VRK1: variants seen among roughly 807,000 people sequenced by gnomAD.
VRK1 encodes serine/threonine-protein kinase VRK1.
A neutral mutation model predicts 57.1 loss-of-function variants in VRK1; 33 were observed. That is an observed-to-expected ratio of 0.58 (90% CI 0.44 to 0.77). The LOEUF is 0.77. Ranked by LOEUF, VRK1 falls within the 30% of genes least tolerant of loss-of-function variation. The pLI, the probability that VRK1 is intolerant of heterozygous loss-of-function variation, is 0.00. For missense variants in VRK1, 413 were observed against 477.3 expected, an observed-to-expected ratio of 0.87 and a Z score of 1.25; for synonymous variants, 137 against 147.8, an observed-to-expected ratio of 0.93 and a Z score of 0.53.
intron 11 of VRK1, among the ~76,000 whole-genome samples, chr14:96,861,752 T>A (rs78823907): frequency 0.015 from 2,237 of 152,324 alleles, 65 homozygotes; most frequent in African/African-American, 0.051. Flanking sequence ...TGCATCTACA[T>A]ATACTTTTTT....
At chr14:96,833,269 T>G (rs1249087991) in intron 1 of VRK1, among the ~76,000 whole-genome samples, 198 bp from the exon 2 acceptor site, 1 of 152,214 alleles carries the variant, frequency 6.6e-6, no homozygotes, top group Non-Finnish European at 1.5e-5. Context: ...ATATATGATT[T>G]TATTGTTTCT....
At chr14:96,818,632 AT>A (rs1395311819) in intron 1 of VRK1, among the ~76,000 whole-genome samples, 1 of 151,906 alleles carries the variant, frequency 6.6e-6, no homozygotes, top group Non-Finnish European at 1.5e-5. Context: ...TTTGATACTT[AT>A]TTTTTTAATG....
intron 1 of VRK1, among the ~76,000 whole-genome samples, chr14:96,804,227 C>A (rs1419834718): frequency 6.6e-6 from 1 of 152,084 alleles, no homozygotes; most frequent in Non-Finnish European, 1.5e-5. Context: ...TTTTCTTTTC[C>A]TTTTGTCCAT....
At chr14:96,871,061 TCAGTA>T (rs1888802675) in intron 11 of VRK1, among the ~76,000 whole-genome samples, 1 of 152,208 alleles carries the variant, frequency 6.6e-6, no homozygotes, top group Non-Finnish European at 1.5e-5. Flanking sequence ...TACCATTGTA[TCAGTA>T]TTTTTTGGCA....
intron 12 of VRK1, among the ~76,000 whole-genome samples, chr14:96,880,932 T>C (rs1889235434): frequency 6.6e-6 from 1 of 152,218 alleles, no homozygotes; most frequent in Non-Finnish European, 1.5e-5. Context: ...AGTATTTTTA[T>C]ATGGCTTAAG....
At chr14:96,820,240 T>A (rs893360407) in intron 1 of VRK1, among the ~76,000 whole-genome samples, 8 of 152,098 alleles carry the variant, frequency 5.3e-5, no homozygotes, top group Admixed American at 1.3e-4. Context: ...TTTTTTTTTT[T>A]AATTTTTGCT....
intron 11 of VRK1, among the ~76,000 whole-genome samples, chr14:96,866,997 A>G (rs571408702): frequency 1.5e-3 from 221 of 152,278 alleles, no homozygotes; most frequent in Non-Finnish European, 2.9e-3. Flanking sequence ...TCACGAGTAA[A>G]CAGAGCTTGT....
intron 3 of VRK1, among the ~76,000 whole-genome samples, chr14:96,842,327 A>C (rs531488238): frequency 1.3e-5 from 2 of 152,222 alleles, no homozygotes; most frequent in Admixed American, 1.3e-4. Context: ...CCAAATAACA[A>C]ACATGTAAAA....
intron 11 of VRK1, among the ~76,000 whole-genome samples, chr14:96,874,633 T>G (rs561913559): frequency 1.3e-5 from 2 of 152,312 alleles, no homozygotes; most frequent in East Asian, 3.9e-4. Flanking sequence ...AAGTTGTTAT[T>G]TTTGTATGTG....
intron 3 of VRK1, 65 bp from the exon 4 acceptor site, chr14:96,846,030 G>A (rs1887670912): frequency 7.2e-7 from 1 of 1,388,916 alleles, no homozygotes; most frequent in African/African-American, 1.4e-5. Flanking sequence ...CTTTTTTGAA[G>A]GTTCATTGAA....
Position 96,856,897 on chromosome 14 carries a change from G to A in VRK1, c.889+311G>A, listed in dbSNP as rs190423096. 7.9e-4 allele frequency among the ~76,000 whole-genome samples: 121 copies of A among 152,268 alleles called. 1 individual carries two copies. The highest frequency in any genetic ancestry group is 2.8e-3 in the African/African-American group (116 of 41,568). ...GCAGGAGAATCGCTTGAACCCGGGA[G>A]GCGGAGGTTGCAGTGAGCCGAGATT... On this transcript the variant is annotated intron_variant, in intron 10 of 12. Coordinates refer to ENST00000216639, the MANE Select transcript of VRK1 (RefSeq NM_003384.3).
intron 11 of VRK1, among the ~76,000 whole-genome samples, chr14:96,867,549 T>C (rs933721649): frequency 6.6e-6 from 1 of 152,038 alleles, no homozygotes; most frequent in African/African-American, 2.4e-5. Flanking sequence ...GCAGACCTTT[T>C]TCATCTAAAG....
chr14:96,818,362 A>T (rs1398941085), intron 1 of VRK1, among the ~76,000 whole-genome samples: 1 of 152,198 alleles, frequency 6.6e-6, no homozygotes, highest in Non-Finnish European at 1.5e-5. Flanking sequence ...CTTTTCTAAT[A>T]CAAGTAAAAA....
intron 11 of VRK1, among the ~76,000 whole-genome samples, chr14:96,866,337 G>A (rs144813288): frequency 0.032 from 4,856 of 152,226 alleles, 96 homozygotes; most frequent in Middle Eastern, 0.082. Context: ...TCATTTTCCA[G>A]TATTTGCTTC....
intron 11 of VRK1, among the ~76,000 whole-genome samples, chr14:96,862,103 C>A (rs143449634): frequency 1.6e-3 from 241 of 152,004 alleles, no homozygotes; most frequent in African/African-American, 5.5e-3. Flanking sequence ...CCTGTCCCCG[C>A]CCCTACCTTC....
At chr14:96,862,173 T>C (rs191953519) in intron 11 of VRK1, among the ~76,000 whole-genome samples, 99 of 150,122 alleles carry the variant, frequency 6.6e-4, no homozygotes, top group African/African-American at 2.3e-3. Flanking sequence ...TTTCTGCAGG[T>C]TGGCTGACTT....
chr14:96,815,704 C>A (rs1017216902), intron 1 of VRK1, among the ~76,000 whole-genome samples: 2 of 151,206 alleles, frequency 1.3e-5, no homozygotes, highest in Non-Finnish European at 3.0e-5. Context: ...GGCAACATAG[C>A]CAGACCTCAC....
At position 96,876,078 on chromosome 14, in the gene VRK1, A is replaced by C. The variant is rs199759408; in HGVS notation, c.1117A>C (p.Thr373Pro). 3.1e-6 allele frequency: 5 copies of C among 1,613,728 alleles called. No homozygotes were observed. The highest frequency in any genetic ancestry group is 4.2e-6 in the Non-Finnish European group (5 of 1,179,720). Residue 373 changes from threonine to proline, a missense_variant, in exon 12 of 13, where the codon ACG becomes CCG. Physicochemically the swap from Thr to Pro is conservative, Grantham distance 38. Transcript: ENST00000216639. ...AAGCAAGGAACCTGGTGTTGAAGATACGGAATGGTCAAACACACAGACAGA... is the reference window on the plus strand; with the variant it reads ...AAGCAAGGAACCTGGTGTTGAAGATCCGGAATGGTCAAACACACAGACAGA... Reference protein sequence around the residue: ...EESKEPGVEDTEWSNTQTEEA... With the variant: ...EESKEPGVEDPEWSNTQTEEA...
In VRK1 at chr14:96,873,553, G is replaced by C. The variant is rs541260727; in HGVS notation, c.1069-2477G>C. On this transcript the variant is annotated intron_variant, in intron 11 of 12. Coordinates refer to ENST00000216639, the MANE Select transcript of VRK1 (RefSeq NM_003384.3). Reference sequence around the variant, plus strand: ...TTTCATATTAAACGCAAAGGCACCTGTGAGACCTGATACAGAATGTGACAA... The same window carrying C: ...TTTCATATTAAACGCAAAGGCACCTCTGAGACCTGATACAGAATGTGACAA... Among the ~76,000 whole-genome samples the C allele has an allele frequency of 7.2e-5, 11 of 152,304 alleles. No homozygotes were observed. In the East Asian group the frequency reaches 2.1e-3, roughly 29 times the overall value.
Sources: allele counts gnomAD v4.1 joint callset (sites outside exome capture counted in the v4.1 genomes callset), GRCh38; gene constraint gnomAD v4.1.1; transcripts MANE v1.5; gene names NCBI Gene and HGNC (gene_info 2026-07-23, HGNC 2026-07-21).